Variants in PRKN observed in about 807,000 individuals in gnomAD.
PRKN encodes the protein parkin RBR E3 ubiquitin protein ligase.
Under a neutral mutation model 59.5 loss-of-function variants are expected in PRKN, and 56 were observed. That is an observed-to-expected ratio of 0.94 (90% CI 0.76 to 1.18). The LOEUF is 1.18. PRKN is among the 50% of genes most tolerant of loss of function. The pLI is 0.00. For missense variants in PRKN, 657 were observed against 596.4 expected (o/e 1.10, Z -1.06); for synonymous variants, 250 against 222.1 (o/e 1.13, Z -1.12).
chr6:162,111,623 G>A (rs901539066), intron 4 of PRKN, among the ~76,000 whole-genome samples: 1 of 151,964 alleles, frequency 6.6e-6, no homozygotes, highest in African/African-American at 2.4e-5. Context: ...AAGGCAAGTG[G>A]GTCAAAAGAT....
intron 4 of PRKN, among the ~76,000 whole-genome samples, chr6:162,098,049 G>T (rs1231323386): frequency 6.6e-6 from 1 of 152,152 alleles, no homozygotes; most frequent in Non-Finnish European, 1.5e-5. Context: ...AATAGTGGTG[G>T]ATATGAATTC....
intron 6 of PRKN, among the ~76,000 whole-genome samples, chr6:161,804,541 T>C (rs1791227134): frequency 6.6e-6 from 1 of 152,116 alleles, no homozygotes; most frequent in Non-Finnish European, 1.5e-5. Flanking sequence ...GTTGGACCCA[T>C]AAGGAGAAGG....
chr6:162,235,032 A>G (rs1778586865), intron 3 of PRKN, among the ~76,000 whole-genome samples: 1 of 152,242 alleles, frequency 6.6e-6, no homozygotes, highest in Non-Finnish European at 1.5e-5. Context: ...TGAATAAAAT[A>G]TAACTTTATG....
chr6:162,025,014 ATTTT>A (rs753238837), intron 5 of PRKN, among the ~76,000 whole-genome samples: 6 of 130,982 alleles, frequency 4.6e-5, no homozygotes, highest in African/African-American at 5.8e-5. Flanking sequence ...TCCAGATTGT[ATTTT>A]TTTTTTTTTT....
chr6:162,265,652 C>T (rs765512442), intron 2 of PRKN, among the ~76,000 whole-genome samples: 1 of 152,176 alleles, frequency 6.6e-6, no homozygotes, highest in Non-Finnish European at 1.5e-5. Flanking sequence ...GATCTCACCA[C>T]TGCACTGCAC....
intron 2 of PRKN, among the ~76,000 whole-genome samples, chr6:162,412,007 T>A: frequency 6.7e-6 from 1 of 149,316 alleles, no homozygotes; most frequent in East Asian, 2.0e-4. Flanking sequence ...ATTTCTTTGG[T>A]CACAGCTGAG....
chr6:161,434,844 CT>C (rs1788808287), intron 9 of PRKN, among the ~76,000 whole-genome samples: 1 of 152,096 alleles, frequency 6.6e-6, no homozygotes, highest in Admixed American at 6.6e-5. Flanking sequence ...ATATATTCAT[CT>C]TTAAAAATAA....
chr6:161,685,142 G>A (rs1583002862), intron 7 of PRKN, among the ~76,000 whole-genome samples: 1 of 152,052 alleles, frequency 6.6e-6, no homozygotes, highest in East Asian at 1.9e-4. Context: ...ATTCTTTTAA[G>A]GCTTTAAATT....
intron 1 of PRKN, among the ~76,000 whole-genome samples, chr6:162,480,233 C>T (rs12529491): frequency 0.15 from 22,484 of 152,038 alleles, 1,862 homozygotes; most frequent in Non-Finnish European, 0.17. Flanking sequence ...ACACGAGGAA[C>T]GCATTGTACT....
chr6:161,775,081 G>A (rs1362707872), intron 7 of PRKN, among the ~76,000 whole-genome samples: 1 of 152,116 alleles, frequency 6.6e-6, no homozygotes, highest in Non-Finnish European at 1.5e-5. Flanking sequence ...CAGGCAAACA[G>A]ACAGGCAGAC....
intron 3 of PRKN, among the ~76,000 whole-genome samples, chr6:162,217,437 A>G (rs921422083): frequency 2.0e-5 from 3 of 152,044 alleles, no homozygotes; most frequent in Non-Finnish European, 4.4e-5. Flanking sequence ...CTGGAGTGCA[A>G]TGGTGCTACC....
intron 6 of PRKN, among the ~76,000 whole-genome samples, chr6:161,805,478 A>ACACACACGCATG (rs61442187): frequency 2.4e-3 from 364 of 149,474 alleles, no homozygotes; most frequent in Non-Finnish European, 4.2e-3. Flanking sequence ...ACACACACAC[A>ACACACACGCATG]CATGCATGTA....
intron 4 of PRKN, among the ~76,000 whole-genome samples, chr6:162,086,916 GAATT>G (rs556939922): frequency 1.1e-4 from 17 of 152,252 alleles, no homozygotes; most frequent in East Asian, 3.9e-4. Flanking sequence ...AATTGCTGAA[GAATT>G]AATTATACAT....
chr6:162,517,393 A>G (rs12111429), intron 1 of PRKN, among the ~76,000 whole-genome samples: 13,383 of 148,984 alleles, frequency 0.09, 646 homozygotes, highest in South Asian at 0.17. Context: ...GACTACAGGC[A>G]CCCGCCACCA....
intron 10 of PRKN, among the ~76,000 whole-genome samples, chr6:161,374,553 GA>G (rs1785580448): frequency 1.8e-5 from 2 of 110,124 alleles, no homozygotes; most frequent in Non-Finnish European, 3.6e-5. Context: ...TGTGGTGTGT[GA>G]TGTGTGTGTG....
In PRKN at chr6:161,533,437, C is replaced by T. The variant is rs778907879; in HGVS notation, c.1083+15417G>A. Reference sequence around the variant, plus strand: ...ACAGGTACATGCTGGCAGTTGTGCCCGTAGGAATATACTACCTGGGACTAG... The same window carrying T: ...ACAGGTACATGCTGGCAGTTGTGCCTGTAGGAATATACTACCTGGGACTAG... On this transcript the variant is annotated intron_variant, in intron 9 of 11. Coordinates refer to ENST00000366898, the MANE Select transcript of PRKN (RefSeq NM_004562.3). This position sits in a 1 kb window ranked among gnomAD's most constrained non-coding sequence, Gnocchi z 4.1. Among the ~76,000 whole-genome samples, 7 of 152,078 alleles carry T rather than the reference C, an allele frequency of 4.6e-5. No individual in the cohort carries two copies. The highest frequency in any genetic ancestry group is 8.8e-5 in the Non-Finnish European group (6 of 68,024).
At chr6:161,759,962 G>A (rs893444715) in intron 7 of PRKN, among the ~76,000 whole-genome samples, 6 of 151,840 alleles carry the variant, frequency 4.0e-5, no homozygotes, top group Non-Finnish European at 5.9e-5. Context: ...TTCAGTGAAC[G>A]AGGCATAGCA....
intron 7 of PRKN, among the ~76,000 whole-genome samples, chr6:161,773,080 C>A (rs1238492484): frequency 2.0e-5 from 3 of 152,154 alleles, no homozygotes; most frequent in African/African-American, 7.2e-5. Context: ...TATATCTAGA[C>A]AGGCAGAGGA....
At chr6:162,523,627 G>A (rs535362100) in intron 1 of PRKN, among the ~76,000 whole-genome samples, 4 of 152,204 alleles carry the variant, frequency 2.6e-5, no homozygotes, top group African/African-American at 9.6e-5. Flanking sequence ...TCGCACCACT[G>A]TATTCCAGCC....
Sources: allele counts gnomAD v4.1 joint callset (sites outside exome capture counted in the v4.1 genomes callset), GRCh38; gene constraint gnomAD v4.1.1; non-coding constraint Gnocchi (gnomAD v3.1); transcripts MANE v1.5; gene names NCBI Gene and HGNC (gene_info 2026-07-23, HGNC 2026-07-21).